The following COL5A1 variants were observed in gnomAD, a reference collection of about 807,000 sequenced individuals.
The protein encoded by COL5A1 is collagen type V alpha 1 chain.
A neutral mutation model predicts 263.7 loss-of-function variants in COL5A1; 16 were observed. That is an observed-to-expected ratio of 0.06 (90% confidence interval 0.04 to 0.09). The LOEUF (loss-of-function observed/expected upper bound fraction) is 0.09, where lower values mean the gene tolerates loss of function less well. COL5A1 is among the 10% of genes least tolerant of loss of function. COL5A1 has a pLI of 1.00. For synonymous variants in COL5A1, 1,012 were observed against 1,004.5 expected, an observed-to-expected ratio of 1.01 and a Z score of -0.14; for missense variants, 2,036 against 2,540.5, an observed-to-expected ratio of 0.80 and a Z score of 4.27.
chr9:134,701,791 G>T (rs1233711088), intron 4 of COL5A1, among the ~76,000 whole-genome samples: 1 of 152,228 alleles, frequency 6.6e-6, no homozygotes, highest in Non-Finnish European at 1.5e-5. Context: ...CCCAACTCGG[G>T]CTGGCCTCAC....
chr9:134,687,964 G>A (rs996669582), intron 1 of COL5A1, among the ~76,000 whole-genome samples: 4 of 152,212 alleles, frequency 2.6e-5, no homozygotes, highest in Non-Finnish European at 5.9e-5. Flanking sequence ...AGCTTGTGCT[G>A]TGTCCAAGTG....
At chr9:134,792,882 C>T (rs560858546) in intron 32 of COL5A1, among the ~76,000 whole-genome samples, 43 of 30,504 alleles carry the variant, frequency 1.4e-3, no homozygotes, top group South Asian at 2.9e-3. Flanking sequence ...TTTGTGCACA[C>T]GTGTGTGTGC....
intron 1 of COL5A1, among the ~76,000 whole-genome samples, chr9:134,644,456 A>C: frequency 5.1e-5 from 2 of 39,520 alleles, no homozygotes; most frequent in Admixed American, 3.3e-4. Context: ...GCGGCTGTCC[A>C]CTGGAGATGC....
At chr9:134,792,979 G>A (rs998242645) in intron 32 of COL5A1, among the ~76,000 whole-genome samples, 2 of 152,084 alleles carry the variant, frequency 1.3e-5, no homozygotes, top group African/African-American at 4.8e-5. Flanking sequence ...CCTGCTGTCT[G>A]TCTGCCTGGT....
In COL5A1 at chr9:134,652,304, CAGTG is replaced by C. The variant is rs891719819; in HGVS notation, c.109+10011_109+10014del. Reference sequence around the variant, plus strand: ...CGTCCTTGGGCCGGTGTGGCGGTAACAGTGAGCTGGTGACAGCAGGCAGACCCAG... The same window carrying C: ...CGTCCTTGGGCCGGTGTGGCGGTAACAGCTGGTGACAGCAGGCAGACCCAG... On this transcript the variant is annotated intron_variant, in intron 1 of 65. Coordinates refer to ENST00000371817, the MANE Select transcript of COL5A1 (RefSeq NM_000093.5). The surrounding 1 kb of genome is among the most constrained non-coding windows in gnomAD (Gnocchi z 4.4). Among the ~76,000 whole-genome samples the C allele has an allele frequency of 7.3e-5, 11 of 150,708 alleles. No individual in the cohort carries two copies. Among genetic ancestry groups the C allele is most frequent in the Admixed American group, 1.3e-4 (2 of 14,944 alleles).
Position 134,641,906 on chromosome 9 carries a change from AGTT to A in COL5A1, c.-280_-278del. ...CGGCGGCGAGGAGGAGGCGAGAAGG[AGTT>A]GGAGGAGGAGGAGGAGGAGGCGAGG... is the stretch of plus-strand genomic sequence containing the variant. On this transcript the variant is annotated 5_prime_UTR_variant, in exon 1 of 66. Transcript: ENST00000371817. 1 of 380,582 alleles carries A rather than the reference AGTT, an allele frequency of 2.6e-6. No individual in the cohort carries two copies. 23.6% of individuals were successfully genotyped at this position (380,582 alleles called of 1,614,324 possible).
intron 34 of COL5A1, among the ~76,000 whole-genome samples, chr9:134,795,939 C>G (rs1837890538): frequency 6.6e-6 from 1 of 152,224 alleles, no homozygotes; most frequent in South Asian, 2.1e-4. Flanking sequence ...CCACCCTGAA[C>G]TCCTCCAGGA....
chr9:134,765,776 C>T lies in COL5A1; in HGVS notation c.2088+42C>T. The T allele has an allele frequency of 1.9e-6, 3 of 1,545,712 alleles. 1 individual carries two copies. Among genetic ancestry groups the T allele is most frequent in the South Asian group, 2.3e-5 (2 of 88,588 alleles). ...CCCTGCTTGTCTGCCCCCATCTCGG[C>T]CTTTGAGACCCCGCCTCCCAGCCGG... is the stretch of plus-strand genomic sequence containing the variant. On this transcript the variant is annotated intron_variant, in intron 21 of 65. Transcript: ENST00000371817. The surrounding 1 kb of genome is among the most constrained non-coding windows in gnomAD (Gnocchi z 5.1).
chr9:134,687,435 CCAT>C (rs1833115746), intron 1 of COL5A1, among the ~76,000 whole-genome samples: 1 of 151,628 alleles, frequency 6.6e-6, no homozygotes, highest in African/African-American at 2.4e-5. Context: ...ATCCATCCAT[CCAT>C]CCATCCATCC....
At chr9:134,766,597 G>A in intron 22 of COL5A1, 99 bp downstream of exon 22, 1 of 1,250,412 alleles carries the variant, frequency 8.0e-7, no homozygotes, top group Non-Finnish European at 1.1e-6. Flanking sequence ...CATCAGCTGG[G>A]AACATGAAGG....
intron 2 of COL5A1, chr9:134,691,638 T>C (rs1342475943): frequency 1.3e-5 from 2 of 158,086 alleles, no homozygotes; most frequent in African/African-American, 4.8e-5. Flanking sequence ...AGCATCCAAG[T>C]TGTCCCTGTC....
chr9:134,697,320 G>A (rs990692434), intron 2 of COL5A1, among the ~76,000 whole-genome samples: 11 of 152,028 alleles, frequency 7.2e-5, no homozygotes, highest in Non-Finnish European at 1.5e-4. Flanking sequence ...TTATCCTTTC[G>A]GGTTTTATCT....
intron 1 of COL5A1, among the ~76,000 whole-genome samples, chr9:134,645,945 A>T (rs973307791): frequency 4.6e-5 from 7 of 151,140 alleles, no homozygotes; most frequent in African/African-American, 1.5e-4. Context: ...TTCCCCCTCC[A>T]TCCTTCCCTC....
Position 134,741,685 on chromosome 9 carries a change from C to A in COL5A1, c.1494+2877C>A, listed in dbSNP as rs1029113493. Among the ~76,000 whole-genome samples the A allele has an allele frequency of 6.6e-6, 1 of 152,082 alleles. No individual in the cohort carries two copies. Among genetic ancestry groups the A allele is most frequent in the East Asian group, 1.9e-4 (1 of 5,184 alleles). ...GAGGTAAGAGAACTCTTCTTGCGTC[C>A]GTCGATTCTTACTTGGCTTCAGCAG... On this transcript the variant is annotated intron_variant, in intron 11 of 65. Coordinates refer to ENST00000371817, the MANE Select transcript of COL5A1 (RefSeq NM_000093.5). This position sits in a 1 kb window ranked among gnomAD's most constrained non-coding sequence, Gnocchi z 4.5.
At chr9:134,796,466 T>G in intron 35 of COL5A1, 48 bp downstream of exon 35, 1 of 1,585,136 alleles carries the variant, frequency 6.3e-7, no homozygotes, top group African/African-American at 1.3e-5. Context: ...AGAGCCTGCC[T>G]CGAATGCCCC....
rs190588446 is a variant in COL5A1 at position 134,765,659 on chromosome 9, T to C, written c.2035-22T>C. 7.4e-4 allele frequency: 1,194 copies of C among 1,611,148 alleles called. 2 individuals carry two copies. Among genetic ancestry groups the C allele is most frequent in the Non-Finnish European group, 8.3e-4 (975 of 1,177,410 alleles). ...GGGATTTCTGCCCGAGTTTAAATCC[T>C]ATTTTCCCTTTCCTCTTACAGGGGC... On this transcript the variant is annotated intron_variant, in intron 20 of 65. Transcript: ENST00000371817. The surrounding 1 kb of genome is among the most constrained non-coding windows in gnomAD (Gnocchi z 5.1).
chr9:134,729,335 C>T (rs991335104), intron 6 of COL5A1, among the ~76,000 whole-genome samples: 8 of 152,122 alleles, frequency 5.3e-5, no homozygotes, highest in Non-Finnish European at 8.8e-5. Flanking sequence ...GCCCGGGCCC[C>T]GTGCAGGAGT....
At chr9:134,782,239 C>T (rs1205515709) in intron 28 of COL5A1, among the ~76,000 whole-genome samples, 5 of 152,290 alleles carry the variant, frequency 3.3e-5, no homozygotes, top group South Asian at 2.1e-4. Context: ...CAAGAGCAGG[C>T]GTTAGGGATT....
In COL5A1 at chr9:134,842,499, A is replaced by C. The variant is rs897573136; in HGVS notation, c.*196A>C. Reference sequence around the variant, plus strand: ...AACAGAGGGAAGGAGCCGCGCCCCCACCTGGAGCTGAATCACATGACCTAG... The same window carrying C: ...AACAGAGGGAAGGAGCCGCGCCCCCCCCTGGAGCTGAATCACATGACCTAG... On this transcript the variant is annotated 3_prime_UTR_variant, in exon 66 of 66. Coordinates refer to ENST00000371817, the MANE Select transcript of COL5A1 (RefSeq NM_000093.5). The surrounding 1 kb of genome is among the most constrained non-coding windows in gnomAD (Gnocchi z 5.8). 1.1e-4 allele frequency: 74 copies of C among 666,148 alleles called. No individual in the cohort carries two copies. The African/African-American group carries it at 1.2e-3, about 10-fold the overall frequency. The allele number at this position is 666,148 out of a possible 1,614,324, so 41.3% of individuals were successfully genotyped here.
Sources: gnomAD v4.1 joint callset for allele counts (sites outside exome capture counted in the v4.1 genomes callset) on GRCh38, gnomAD v4.1.1 for gene constraint, Gnocchi (gnomAD v3.1) non-coding constraint, MANE v1.5 for transcripts, NCBI Gene and HGNC (gene_info 2026-07-23, HGNC 2026-07-21) for gene names.